The following HGF variants were observed in gnomAD, a reference collection of about 807,000 sequenced individuals.
The protein encoded by HGF is fibroblast-derived tumor cytotoxic factor.
HGF carries 39 observed loss-of-function variants against 111.6 expected under a neutral mutation model. The observed-to-expected ratio is 0.35, with a 90% CI of 0.27 to 0.46. The LOEUF is 0.46. HGF is among the 20% of genes least tolerant of loss of function. The pLI, the probability that HGF is intolerant of heterozygous loss-of-function variation, is 1.00. For missense variants in HGF, 735 were observed against 910.5 expected (o/e 0.81, Z 2.48); for synonymous variants, 285 against 294.8 (o/e 0.97, Z 0.34).
At position 81,717,297 on chromosome 7, in the gene HGF, G is replaced by A. The variant is rs1033158417; in HGVS notation, c.1340C>T (p.Ala447Val). The A allele has an allele frequency of 2.5e-6, 4 of 1,613,142 alleles. No homozygotes were observed. The African/African-American group carries it at 5.3e-5, about 22-fold the overall frequency. ...TCCCGTGTAGCACCAGGGTCCATGA[G>A]CATCATCATCTGGATTTCGGCAGTA... ...ENYCRNPDDD[A>V]HGPWCYTGNP... is the part of the protein sequence containing the mutation. The change falls in exon 11 of 18, where the codon GCT becomes GTT. Residue 447 changes from alanine to valine, a missense_variant. This residue lies in a region of HGF where 553 missense variants were observed against 685.6 expected (regional missense o/e 0.81). Transcript: ENST00000222390.
At chr7:81,721,207 A>G (rs904927234) in intron 9 of HGF, among the ~76,000 whole-genome samples, 13 of 152,182 alleles carry the variant, frequency 8.5e-5, no homozygotes, top group East Asian at 1.9e-4. Context: ...AGATGGCGCC[A>G]CTGCACTCCA....
intron 13 of HGF, among the ~76,000 whole-genome samples, chr7:81,709,169 T>TTCTAAAAGAATATCCCCC (rs1331292745): frequency 6.6e-6 from 1 of 152,116 alleles, no homozygotes; most frequent in Non-Finnish European, 1.5e-5. Context: ...CAGGAGGGTA[T>TTCTAAAAGAATATCCCCC]TCTAAAAGAG....
rs569607358 is a variant in HGF, at chr7:81,758,220, A to T, written c.367+472T>A. Among the ~76,000 whole-genome samples, 25 of 152,166 alleles carry T rather than the reference A, an allele frequency of 1.6e-4. No individual in the cohort carries two copies. In the South Asian group the frequency reaches 4.4e-3, roughly 26 times the overall value. On this transcript the variant is annotated intron_variant, in intron 3 of 17. Coordinates refer to ENST00000222390, the MANE Select transcript of HGF (RefSeq NM_000601.6). ...TTTAAATATTTTTTTCAAGTATATGATGAAACATAGTCCCAACTCATTTCT... is the reference window on the plus strand; with the variant it reads ...TTTAAATATTTTTTTCAAGTATATGTTGAAACATAGTCCCAACTCATTTCT...
rs181489176 is a variant in HGF at position 81,759,127 on chromosome 7, T to G, written c.255-323A>C. ...TCAATATGTAACACAACTATTTAAA[T>G]TATTTCTGAAGGCTTTATTTTTCTG... On this transcript the variant is annotated intron_variant, in intron 2 of 17. Transcript: ENST00000222390. 2.0e-5 allele frequency among the ~76,000 whole-genome samples: 3 copies of G among 152,310 alleles called. No homozygotes were observed. The East Asian group carries it at 5.8e-4, about 29-fold the overall frequency.
intron 5 of HGF, chr7:81,751,779 T>A: frequency 9.0e-7 from 1 of 1,112,640 alleles, no homozygotes; most frequent in Non-Finnish European, 1.1e-6. Context: ...AAGGCTAAGC[T>A]TCATTCAACT....
At chr7:81,711,843 C>T (rs1015257470) in intron 11 of HGF, among the ~76,000 whole-genome samples, 2 of 152,076 alleles carry the variant, frequency 1.3e-5, no homozygotes, top group Admixed American at 6.6e-5. Flanking sequence ...GGGATTTCGC[C>T]ATGTGGGCCA....
chr7:81,750,897 A>G, intron 5 of HGF: 1 of 835,862 alleles, frequency 1.2e-6, no homozygotes, highest in Non-Finnish European at 1.4e-6. Flanking sequence ...CTTGTTCAAA[A>G]CGTGATCATA....
intron 9 of HGF, among the ~76,000 whole-genome samples, chr7:81,723,225 A>T (rs1013591577): frequency 6.6e-6 from 1 of 152,194 alleles, no homozygotes; most frequent in Non-Finnish European, 1.5e-5. Flanking sequence ...TCTACTTGCA[A>T]TGGTGAGTAG....
At chr7:81,758,087 A>T (rs994555571) in intron 3 of HGF, among the ~76,000 whole-genome samples, 1 of 152,072 alleles carries the variant, frequency 6.6e-6, no homozygotes, top group South Asian at 2.1e-4. Flanking sequence ...ACATTCTTCA[A>T]TTATTTCATT....
chr7:81,727,333 G>A (rs1019319310), intron 8 of HGF, among the ~76,000 whole-genome samples: 11 of 151,820 alleles, frequency 7.2e-5, no homozygotes, highest in Non-Finnish European at 1.3e-4. Flanking sequence ...ATGAGCCACC[G>A]CACCCGGCCG....
intron 7 of HGF, among the ~76,000 whole-genome samples, chr7:81,732,449 A>G (rs893977637): frequency 6.6e-6 from 1 of 152,132 alleles, no homozygotes; most frequent in African/African-American, 2.4e-5. Flanking sequence ...TACATTGTCA[A>G]CGTAAGATTA....
At chr7:81,716,153 T>C (rs1477774003) in intron 11 of HGF, among the ~76,000 whole-genome samples, 1 of 152,168 alleles carries the variant, frequency 6.6e-6, no homozygotes, top group African/African-American at 2.4e-5. Flanking sequence ...ACATTGGCAA[T>C]GTCTAGAGAT....
intron 7 of HGF, chr7:81,742,905 T>C: frequency 6.2e-7 from 1 of 1,612,870 alleles, no homozygotes; most frequent in Non-Finnish European, 8.5e-7. Flanking sequence ...CCTCTGTCAC[T>C]CACCAGAAGA....
intron 7 of HGF, among the ~76,000 whole-genome samples, chr7:81,740,463 C>A (rs1336320774): frequency 6.6e-6 from 1 of 152,140 alleles, no homozygotes. Flanking sequence ...CTTTTGAATA[C>A]AATGAGAACT....
At chr7:81,731,646 C>T (rs1407547438) in intron 7 of HGF, among the ~76,000 whole-genome samples, 1 of 152,086 alleles carries the variant, frequency 6.6e-6, no homozygotes, top group East Asian at 1.9e-4. Context: ...CATTAAGTTA[C>T]TCTATTTCTG....
chr7:81,722,845 G>GTATATATATATATATATATATATATATA lies in HGF; in HGVS notation c.1169-1999_1169-1998insTATATATATATATATATATATATATATA, dbSNP rs144391393. 4.5e-4 allele frequency among the ~76,000 whole-genome samples: 60 copies of GTATATATATATATATATATATATATATA among 132,538 alleles called. 1 individual carries two copies. Among genetic ancestry groups the GTATATATATATATATATATATATATATA allele is most frequent in the African/African-American group, 1.8e-3 (54 of 30,548 alleles). 87.0% of individuals were successfully genotyped at this position (132,538 alleles called of 152,430 possible). A position where few individuals can be genotyped will look rare whatever the true frequency, so the allele number is the denominator to read the frequency against. On this transcript the variant is annotated intron_variant, in intron 9 of 17. Transcript: ENST00000222390. Reference sequence around the variant, plus strand: ...AAAAAAAAAAAAGAAATTTAAAAAGGTATATATATATATATATGTTGCATT... The same window carrying GTATATATATATATATATATATATATATA: ...AAAAAAAAAAAAGAAATTTAAAAAGGTATATATATATATATATATATATATATATATATATATATATATATGTTGCATT...
chr7:81,767,935 ACTAT>A (rs1226904076), intron 1 of HGF, among the ~76,000 whole-genome samples: 1 of 152,190 alleles, frequency 6.6e-6, no homozygotes, highest in African/African-American at 2.4e-5. Context: ...ATTAAAAAAA[ACTAT>A]CAAACTGGCC....
chr7:81,767,203 GT>G (rs1252354482), intron 1 of HGF, among the ~76,000 whole-genome samples: 1 of 150,596 alleles, frequency 6.6e-6, no homozygotes, highest in East Asian at 2.0e-4. Flanking sequence ...TTCTAACAGG[GT>G]TTTTTGAAAA....
chr7:81,713,816 T>A (rs1350468385), intron 11 of HGF, among the ~76,000 whole-genome samples: 1 of 152,178 alleles, frequency 6.6e-6, no homozygotes, highest in Non-Finnish European at 1.5e-5. Flanking sequence ...CTTTTCTTCC[T>A]TTACTTTCAC....
Sources: allele counts gnomAD v4.1 joint callset (sites outside exome capture counted in the v4.1 genomes callset), GRCh38; gene constraint gnomAD v4.1.1; regional missense constraint gnomAD v4.1.1; transcripts MANE v1.5; gene names NCBI Gene and HGNC (gene_info 2026-07-23, HGNC 2026-07-21).